The following SLC7A8 variants were observed in gnomAD, a reference collection of about 807,000 sequenced individuals.
SLC7A8 encodes large neutral amino acids transporter small subunit 2.
SLC7A8 carries 30 observed loss-of-function variants against 51.2 expected under a neutral mutation model. The observed-to-expected ratio is 0.59, with a 90% confidence interval of 0.44 to 0.80. The LOEUF (loss-of-function observed/expected upper bound fraction) is 0.80, where lower values mean the gene tolerates loss of function less well. SLC7A8 is among the 30% of genes least tolerant of loss of function. SLC7A8 has a pLI of 0.00. For missense variants in SLC7A8, 612 were observed against 674.4 expected, an observed-to-expected ratio of 0.91 and a Z score of 1.03; for synonymous variants, 257 against 275.8, an observed-to-expected ratio of 0.93 and a Z score of 0.67.
intron 3 of SLC7A8, among the ~76,000 whole-genome samples, chr14:23,159,157 A>T (rs2048908870): frequency 6.6e-6 from 1 of 152,176 alleles, no homozygotes; most frequent in African/African-American, 2.4e-5. Flanking sequence ...AGACTCTATA[A>T]ATCATACCTT....
chr14:23,140,307 G>GT (rs1266052565), intron 5 of SLC7A8, among the ~76,000 whole-genome samples, 164 bp downstream of exon 5: 1 of 152,164 alleles, frequency 6.6e-6, no homozygotes, highest in Non-Finnish European at 1.5e-5. Flanking sequence ...ACGGCAAATG[G>GT]TTTAAGTGCC....
At chr14:23,134,109 A>C (rs1041975617) in intron 7 of SLC7A8, among the ~76,000 whole-genome samples, 2 of 151,784 alleles carry the variant, frequency 1.3e-5, no homozygotes, top group Non-Finnish European at 2.9e-5. Context: ...CCCAAATGCC[A>C]ATTAATTTTA....
At position 23,183,251 on chromosome 14, in the gene SLC7A8, A is replaced by G; in HGVS notation, c.-337T>C. The G allele has an allele frequency of 3.6e-6, 1 of 276,272 alleles. No homozygotes were observed. The allele number at this position is 276,272 out of a possible 1,614,324, so 17.1% of individuals were successfully genotyped here. A position where few individuals can be genotyped will look rare whatever the true frequency, so the allele number is the denominator to read the frequency against. ...TGAAAGGGATGTGTCTTCAGAAACC[A>G]GGATGGTTCTGCTCTGTGCACCAGG... On this transcript the variant is annotated 5_prime_UTR_variant, in exon 1 of 11. Transcript: ENST00000316902.
intron 6 of SLC7A8, among the ~76,000 whole-genome samples, chr14:23,138,663 G>A (rs1335868416): frequency 6.6e-6 from 1 of 152,240 alleles, no homozygotes; most frequent in African/African-American, 2.4e-5. Context: ...AGGCTGTGAA[G>A]CTATAGATGA....
At chr14:23,148,746 C>T (rs1435630203) in intron 3 of SLC7A8, among the ~76,000 whole-genome samples, 2 of 152,164 alleles carry the variant, frequency 1.3e-5, no homozygotes, top group Non-Finnish European at 2.9e-5. Flanking sequence ...TGGGAGGTCC[C>T]TAGAAGCTAG....
chr14:23,137,277 G>C (rs1024958308), intron 7 of SLC7A8, among the ~76,000 whole-genome samples: 8 of 152,124 alleles, frequency 5.3e-5, no homozygotes, highest in Non-Finnish European at 7.3e-5. Flanking sequence ...CGGATAAAAG[G>C]CTCTTTCTTT....
chr14:23,147,378 TA>T (rs1221581285), intron 3 of SLC7A8, among the ~76,000 whole-genome samples: 2 of 152,130 alleles, frequency 1.3e-5, no homozygotes, highest in African/African-American at 4.8e-5. Flanking sequence ...ACGGGTGAAG[TA>T]AGAGATGCCC....
At position 23,155,357 on chromosome 14, in the gene SLC7A8, A is replaced by C. The variant is rs536754130; in HGVS notation, c.508+9928T>G. ...GCTAAGCTCCTGCCCATACTGCCCC[A>C]TCCCCTCCCCTCCTCCCTTCCTGGC... is the stretch of plus-strand genomic sequence containing the variant. On this transcript the variant is annotated intron_variant, in intron 3 of 10. Transcript: ENST00000316902. The C allele has an allele frequency of 2.0e-5, 30 of 1,520,544 alleles. No homozygotes were observed. In the African/African-American group the frequency reaches 2.9e-4, roughly 15 times the overall value. 94.2% of individuals were successfully genotyped at this position (1,520,544 alleles called of 1,614,324 possible).
At chr14:23,172,687 C>A (rs1284518901) in intron 1 of SLC7A8, among the ~76,000 whole-genome samples, 1 of 152,214 alleles carries the variant, frequency 6.6e-6, no homozygotes, top group Non-Finnish European at 1.5e-5. Flanking sequence ...AGACAGCTGG[C>A]CGTATCTGGA....
At chr14:23,140,743 T>A (rs2048736995) in intron 4 of SLC7A8, 119 bp from the exon 5 acceptor site, 4 of 1,002,010 alleles carry the variant, frequency 4.0e-6, no homozygotes, top group Non-Finnish European at 5.8e-6. Context: ...CTCTGTCTTG[T>A]CTCCAGTGAA....
chr14:23,131,600 C>A (rs374791784), intron 7 of SLC7A8, 43 bp from the exon 8 acceptor site: 7 of 1,463,334 alleles, frequency 4.8e-6, no homozygotes, highest in Non-Finnish European at 6.5e-6. Flanking sequence ...AACCCAGGGA[C>A]CACCAAGCCC....
At chr14:23,162,861 G>C (rs1452324705) in intron 3 of SLC7A8, among the ~76,000 whole-genome samples, 2 of 152,112 alleles carry the variant, frequency 1.3e-5, no homozygotes, top group South Asian at 2.1e-4. Flanking sequence ...CTCTCCTAGG[G>C]TGCAAACTGA....
intron 6 of SLC7A8, 170 bp from the exon 7 acceptor site, chr14:23,138,194 G>A: frequency 2.8e-6 from 2 of 706,290 alleles, no homozygotes; most frequent in South Asian, 3.8e-5. Flanking sequence ...TACACAGGGT[G>A]GTTAATGCAT....
At chr14:23,168,176 C>A (rs1185008035) in intron 1 of SLC7A8, among the ~76,000 whole-genome samples, 1 of 152,188 alleles carries the variant, frequency 6.6e-6, no homozygotes, top group Non-Finnish European at 1.5e-5. Context: ...TGCCACCAAT[C>A]CTTTACAGAC....
At chr14:23,154,998 CAAAAAAAAA>C (rs33973055) in intron 3 of SLC7A8, among the ~76,000 whole-genome samples, 12 of 89,438 alleles carry the variant, frequency 1.3e-4, no homozygotes, top group African/African-American at 4.5e-4. Flanking sequence ...ACACAACAGA[CAAAAAAAAA>C]AAAAAAAAAA....
intron 1 of SLC7A8, among the ~76,000 whole-genome samples, chr14:23,166,908 C>G (rs1306884322): frequency 2.0e-5 from 3 of 152,138 alleles, no homozygotes; most frequent in African/African-American, 7.2e-5. Flanking sequence ...AATCTCAGGA[C>G]CCTCCAGCTG....
rs755415487 is a variant in SLC7A8 at position 23,127,149 on chromosome 14, GGAGA to G, written c.*24_*27del. Reference sequence around the variant, plus strand: ...GGAGGTAGGATAAAAGGGGGAGGAAGGAGAGAGTAGCCAGGGAATGGTGGTCCTC... The same window carrying G: ...GGAGGTAGGATAAAAGGGGGAGGAAGGAGTAGCCAGGGAATGGTGGTCCTC... On this transcript the variant is annotated 3_prime_UTR_variant, in exon 11 of 11. Coordinates refer to ENST00000316902, the MANE Select transcript of SLC7A8 (RefSeq NM_012244.4). 9.3e-6 allele frequency: 15 copies of G among 1,612,608 alleles called. No homozygotes were observed. Among genetic ancestry groups the G allele is most frequent in the Non-Finnish European group, 1.3e-5 (15 of 1,178,946 alleles).
chr14:23,129,872 C>A, intron 8 of SLC7A8, 73 bp from the exon 9 acceptor site: 1 of 1,536,256 alleles, frequency 6.5e-7, no homozygotes, highest in Non-Finnish European at 8.9e-7. Flanking sequence ...TAGGGGCTGT[C>A]CCCCAGCCTC....
At chr14:23,170,824 C>T (rs1334946585) in intron 1 of SLC7A8, among the ~76,000 whole-genome samples, 2 of 152,136 alleles carry the variant, frequency 1.3e-5, no homozygotes, top group Non-Finnish European at 2.9e-5. Flanking sequence ...CCCCTGGGCT[C>T]AAGTGATCCT....
Sources: allele counts gnomAD v4.1 joint callset (sites outside exome capture counted in the v4.1 genomes callset), GRCh38; gene constraint gnomAD v4.1.1; transcripts MANE v1.5; gene names NCBI Gene and HGNC (gene_info 2026-07-23, HGNC 2026-07-21).